DDR2: variants seen among roughly 807,000 people sequenced by gnomAD.
DDR2 encodes discoidin domain-containing receptor 2.
DDR2 carries 27 observed loss-of-function variants against 94.9 expected under a neutral mutation model. That is an observed-to-expected ratio of 0.28 (90% CI 0.21 to 0.39). The LOEUF (loss-of-function observed/expected upper bound fraction) is 0.39. DDR2 is among the 10% of genes least tolerant of loss of function. The pLI is 1.00. For synonymous variants in DDR2, 382 were observed against 377.2 expected (o/e 1.01, Z -0.15); for missense variants, 783 against 1,076.0 (o/e 0.73, Z 3.81).
At chr1:162,671,789 C>A (rs768754368) in intron 2 of DDR2, among the ~76,000 whole-genome samples, 2 of 152,184 alleles carry the variant, frequency 1.3e-5, no homozygotes, top group African/African-American at 2.4e-5. Flanking sequence ...CCATTGTATT[C>A]TTCCTTCCCT....
intron 2 of DDR2, among the ~76,000 whole-genome samples, chr1:162,700,803 C>T (rs975520012): frequency 2.0e-4 from 31 of 152,164 alleles, no homozygotes; most frequent in African/African-American, 7.5e-4. Context: ...TAATTACTTA[C>T]AGGGCTCTAC....
At chr1:162,740,492 T>C (rs551564848) in intron 3 of DDR2, among the ~76,000 whole-genome samples, 1 of 152,310 alleles carries the variant, frequency 6.6e-6, no homozygotes, top group Non-Finnish European at 1.5e-5. Context: ...TAAACCATCA[T>C]CCCTGCAAGA....
intron 3 of DDR2, among the ~76,000 whole-genome samples, chr1:162,728,676 T>C (rs1327777205): frequency 2.0e-5 from 3 of 152,256 alleles, no homozygotes; most frequent in South Asian, 2.1e-4. Context: ...TTCTAAAAAT[T>C]AGACAAGCAA....
chr1:162,691,338 CTTTA>C (rs1326222544), intron 2 of DDR2, among the ~76,000 whole-genome samples: 2 of 152,186 alleles, frequency 1.3e-5, no homozygotes, highest in Non-Finnish European at 2.9e-5. Flanking sequence ...GCCTGGTGTT[CTTTA>C]ATTGCCTCAC....
At chr1:162,715,061 A>G (rs1347782029) in intron 2 of DDR2, among the ~76,000 whole-genome samples, 1 of 152,226 alleles carries the variant, frequency 6.6e-6, no homozygotes, top group Non-Finnish European at 1.5e-5. Flanking sequence ...GACTCATTCG[A>G]AGGTGCAGAA....
chr1:162,671,398 A>C (rs1658831690), intron 2 of DDR2, among the ~76,000 whole-genome samples: 1 of 152,206 alleles, frequency 6.6e-6, no homozygotes, highest in Non-Finnish European at 1.5e-5. Flanking sequence ...GAGCAATTTT[A>C]ATAAATAGCA....
intron 3 of DDR2, among the ~76,000 whole-genome samples, chr1:162,741,192 C>CACA (rs1558057278): frequency 2.9e-5 from 1 of 34,758 alleles, no homozygotes; most frequent in Admixed American, 3.4e-4. Flanking sequence ...TATAACATAA[C>CACA]ATAATACAAT....
chr1:162,699,240 C>T (rs1660321774), intron 2 of DDR2, among the ~76,000 whole-genome samples: 1 of 152,332 alleles, frequency 6.6e-6, no homozygotes, highest in East Asian at 1.9e-4. Flanking sequence ...TGAATTGAAA[C>T]TTACCTTGTT....
rs559973838 is a variant in DDR2 at position 162,696,236 on chromosome 1, A to G, written c.-27-22801A>G. 2.0e-3 allele frequency among the ~76,000 whole-genome samples: 303 copies of G among 151,628 alleles called. 1 individual carries two copies. Among genetic ancestry groups the G allele is most frequent in the African/African-American group, 6.8e-3 (280 of 41,314 alleles). On this transcript the variant is annotated intron_variant, in intron 2 of 17. Coordinates refer to ENST00000367921, the MANE Select transcript of DDR2 (RefSeq NM_006182.4). ...TTTTAAAAAAAAAACAAAAACAAAT[A>G]ACACTAAAAGTTTCACCAAACAAGG...
chr1:162,653,591 A>G (rs1431284111), intron 1 of DDR2, among the ~76,000 whole-genome samples: 2 of 152,086 alleles, frequency 1.3e-5, no homozygotes, highest in Non-Finnish European at 2.9e-5. Context: ...TCAAAAAAAA[A>G]AAAATACTGT....
rs570093559 is a variant in DDR2 at position 162,721,504 on chromosome 1, C to A, written c.82+2359C>A. On this transcript the variant is annotated intron_variant, in intron 3 of 17. Transcript: ENST00000367921. Reference sequence around the variant, plus strand: ...GTGTTTGAGGCAGATGAGACATTTTCATTCATTATCAGTGATAAAGAGTCT... The same window carrying A: ...GTGTTTGAGGCAGATGAGACATTTTAATTCATTATCAGTGATAAAGAGTCT... 8.5e-5 allele frequency among the ~76,000 whole-genome samples: 13 copies of A among 152,316 alleles called. No homozygotes were observed. The South Asian group carries it at 2.7e-3, about 32-fold the overall frequency.
chr1:162,678,020 G>A (rs899575219), intron 2 of DDR2, among the ~76,000 whole-genome samples: 6 of 152,124 alleles, frequency 3.9e-5, no homozygotes, highest in African/African-American at 1.4e-4. Flanking sequence ...AGGGAAGAGG[G>A]AGAGTGAATT....
At chr1:162,724,183 C>T (rs779081222) in intron 3 of DDR2, among the ~76,000 whole-genome samples, 13 of 152,166 alleles carry the variant, frequency 8.5e-5, no homozygotes, top group African/African-American at 2.7e-4. Context: ...TAAGCTAGGA[C>T]GAGGACCCAG....
rs369705009 is a variant in DDR2 at position 162,775,802 on chromosome 1, C to T, written c.2007C>T (p.His669=). Residue 669 remains histidine (H), a synonymous_variant, in exon 15 of 18, where the codon CAC becomes CAT. Coordinates refer to ENST00000367921, the MANE Select transcript of DDR2 (RefSeq NM_006182.4). ...NGDLNQFLSR[H]EPPNSSSSDV... ...ATCTCAATCAGTTTCTTTCCCGCCA[C>T]GAGCCCCCTAATTCTTCCTCCAGCG... 37 of 1,614,082 alleles carry T rather than the reference C, an allele frequency of 2.3e-5. No individual in the cohort carries two copies. The highest frequency in any genetic ancestry group is 8.8e-5 in the South Asian group (8 of 91,070).
At chr1:162,769,667 G>A (rs1466697041) in intron 11 of DDR2, among the ~76,000 whole-genome samples, 1 of 152,172 alleles carries the variant, frequency 6.6e-6, no homozygotes. Context: ...GAGCAGGCAG[G>A]TTATATTAGA....
intron 3 of DDR2, among the ~76,000 whole-genome samples, chr1:162,748,002 G>A (rs1307648037): frequency 6.6e-6 from 1 of 152,090 alleles, no homozygotes; most frequent in African/African-American, 2.4e-5. Context: ...TGAAGGAAGT[G>A]CTAAACATGG....
At chr1:162,754,965 G>A (rs995035805) in intron 5 of DDR2, 110 bp downstream of exon 5, 3 of 1,451,806 alleles carry the variant, frequency 2.1e-6, no homozygotes, top group Middle Eastern at 2.1e-4. Flanking sequence ...CACAGACCAG[G>A]CATGCCCTTG....
At chr1:162,744,430 C>T (rs1382485925) in intron 3 of DDR2, among the ~76,000 whole-genome samples, 1 of 152,106 alleles carries the variant, frequency 6.6e-6, no homozygotes, top group Non-Finnish European at 1.5e-5. Flanking sequence ...TGGGTTATTT[C>T]ACTTAGAATT....
At chr1:162,646,880 G>C (rs1422711097) in intron 1 of DDR2, among the ~76,000 whole-genome samples, 1 of 152,208 alleles carries the variant, frequency 6.6e-6, no homozygotes, top group Non-Finnish European at 1.5e-5. Flanking sequence ...GCAGGTGTCT[G>C]TCTGATCACA....
Sources: allele counts gnomAD v4.1 joint callset (sites outside exome capture counted in the v4.1 genomes callset), GRCh38; gene constraint gnomAD v4.1.1; transcripts MANE v1.5; gene names NCBI Gene and HGNC (gene_info 2026-07-23, HGNC 2026-07-21).